The following GALK2 variants were observed in gnomAD, a reference collection of about 807,000 sequenced individuals.
GALK2 encodes N-acetylgalactosamine kinase.
A neutral mutation model predicts 52.4 loss-of-function variants in GALK2; 36 were observed. The ratio of observed to expected loss-of-function variants is 0.69; its 90% CI spans 0.53 to 0.91. The LOEUF (loss-of-function observed/expected upper bound fraction) is 0.91. Among genes scored for constraint, GALK2 ranks in the 40% least tolerant of loss-of-function variants. The pLI is 0.00. For missense variants in GALK2, 579 were observed against 559.1 expected (o/e 1.04, Z -0.36); for synonymous variants, 176 against 199.1 (o/e 0.88, Z 0.98).
At chr15:49,245,004 G>T (rs997182754) in intron 5 of GALK2, among the ~76,000 whole-genome samples, 35 of 151,984 alleles carry the variant, frequency 2.3e-4, no homozygotes, top group African/African-American at 8.0e-4. Context: ...TTAAATATAG[G>T]AAAAACAAAA....
At chr15:49,170,627 G>C in intron 1 of GALK2, 1 of 490,712 alleles carries the variant, frequency 2.0e-6, no homozygotes, top group Non-Finnish European at 3.7e-6. Flanking sequence ...TCCTTTTCTT[G>C]TTGTAATTAG....
chr15:49,355,488 C>T (rs1286432636), intron 3 of GALK2, among the ~76,000 whole-genome samples: 4 of 152,116 alleles, frequency 2.6e-5, no homozygotes, highest in Non-Finnish European at 5.9e-5. Flanking sequence ...GAAAGGGTAT[C>T]AGCGATGGAA....
intron 8 of GALK2, among the ~76,000 whole-genome samples, chr15:49,303,312 C>T (rs183846439): frequency 3.4e-4 from 52 of 152,258 alleles, no homozygotes; most frequent in Non-Finnish European, 7.2e-4. Context: ...TTTAAAGGCA[C>T]GGCATCATAA....
At chr15:49,180,134 A>G (rs1475373542) in intron 1 of GALK2, among the ~76,000 whole-genome samples, 3 of 152,208 alleles carry the variant, frequency 2.0e-5, no homozygotes, top group African/African-American at 7.2e-5. Context: ...TTTATAATTC[A>G]AAATAATTTC....
chr15:49,161,453 C>T (rs1378397089), intron 1 of GALK2, among the ~76,000 whole-genome samples: 1 of 152,158 alleles, frequency 6.6e-6, no homozygotes, highest in African/African-American at 2.4e-5. Context: ...TGACCTTATT[C>T]ACATAGCCTA....
intron 3 of GALK2, among the ~76,000 whole-genome samples, chr15:49,345,772 C>T (rs571011579): frequency 1.5e-3 from 233 of 152,280 alleles, no homozygotes; most frequent in African/African-American, 5.5e-3. Flanking sequence ...ACTCTGGGGT[C>T]TTTCATCTCC....
chr15:49,322,434 A>G (rs1408268557), intron 9 of GALK2, among the ~76,000 whole-genome samples: 1 of 152,046 alleles, frequency 6.6e-6, no homozygotes, highest in Non-Finnish European at 1.5e-5. Flanking sequence ...TATATAATTA[A>G]TTTTTTCTTT....
intron 1 of GALK2, among the ~76,000 whole-genome samples, chr15:49,191,993 T>G (rs1236921817): frequency 6.6e-6 from 1 of 152,172 alleles, no homozygotes; most frequent in Non-Finnish European, 1.5e-5. Context: ...GTTTCCATTA[T>G]TTTTGTATTT....
chr15:49,270,806 A>G (rs2030420566), intron 5 of GALK2, among the ~76,000 whole-genome samples: 1 of 152,184 alleles, frequency 6.6e-6, no homozygotes, highest in Non-Finnish European at 1.5e-5. Context: ...TATTAGGAAA[A>G]TTAGCAAGTA....
At chr15:49,183,694 T>C (rs1180207122) in intron 1 of GALK2, among the ~76,000 whole-genome samples, 2 of 152,082 alleles carry the variant, frequency 1.3e-5, no homozygotes, top group African/African-American at 2.4e-5. Flanking sequence ...AAATACAAAA[T>C]TAGCCAGGCG....
At chr15:49,242,596 C>T (rs2091153450) in intron 5 of GALK2, among the ~76,000 whole-genome samples, 1 of 152,170 alleles carries the variant, frequency 6.6e-6, no homozygotes, top group African/African-American at 2.4e-5. Flanking sequence ...CATTCAGTTG[C>T]AGACAACAAT....
chr15:49,298,364 G>A (rs2034667096), intron 8 of GALK2, among the ~76,000 whole-genome samples: 2 of 152,052 alleles, frequency 1.3e-5, no homozygotes, highest in African/African-American at 2.4e-5. Flanking sequence ...TGTCAGTGTA[G>A]AGAGATAGTT....
At chr15:49,287,116 G>A (rs975233160) in intron 7 of GALK2, among the ~76,000 whole-genome samples, 4 of 152,198 alleles carry the variant, frequency 2.6e-5, no homozygotes, top group Non-Finnish European at 2.9e-5. Flanking sequence ...AGCAGTAGTA[G>A]CTGAAGATCT....
intron 1 of GALK2, 66 bp downstream of exon 1, chr15:49,170,441 G>A (rs57815447): frequency 0.056 from 84,050 of 1,499,132 alleles, 2,797 homozygotes; most frequent in East Asian, 0.15. Context: ...CGGGTCCACA[G>A]CACTTGGCTC....
chr15:49,263,751 G>T (rs12914557), intron 5 of GALK2, among the ~76,000 whole-genome samples: 105,671 of 114,098 alleles, frequency 0.93, 50,118 homozygotes, highest in African/African-American at 0.98. Flanking sequence ...AGGAGCTCTT[G>T]TAAGGCAGGC....
At chr15:49,265,468 G>T (rs542290308) in intron 5 of GALK2, among the ~76,000 whole-genome samples, 1 of 152,244 alleles carries the variant, frequency 6.6e-6, no homozygotes, top group Non-Finnish European at 1.5e-5. Context: ...TCCAGGTGCT[G>T]TCTGTCACCC....
At chr15:49,267,341 C>G (rs2092395189) in intron 5 of GALK2, among the ~76,000 whole-genome samples, 1 of 152,132 alleles carries the variant, frequency 6.6e-6, no homozygotes, top group Non-Finnish European at 1.5e-5. Flanking sequence ...AGATGAGGAA[C>G]CTTATCAGAT....
chr15:49,245,740 A>T (rs907397626), intron 5 of GALK2, among the ~76,000 whole-genome samples: 1 of 152,182 alleles, frequency 6.6e-6, no homozygotes, highest in Admixed American at 6.5e-5. Context: ...TATTTTTTTA[A>T]AATAGGAAAA....
At chr15:49,296,207 A>G (rs918521879) in intron 8 of GALK2, among the ~76,000 whole-genome samples, 1 of 152,104 alleles carries the variant, frequency 6.6e-6, no homozygotes, top group Non-Finnish European at 1.5e-5. Flanking sequence ...TTTGGTGTAC[A>G]CATGATTTTA....
Sources: gnomAD v4.1 joint callset for allele counts (sites outside exome capture counted in the v4.1 genomes callset) on GRCh38, gnomAD v4.1.1 for gene constraint, MANE v1.5 for transcripts, NCBI Gene and HGNC (gene_info 2026-07-23, HGNC 2026-07-21) for gene names.